The following CNKSR3 variants were observed in gnomAD, a reference collection of about 807,000 sequenced individuals.
CNKSR3 encodes CNKSR family member 3.
Under a neutral mutation model 67.7 loss-of-function variants are expected in CNKSR3, and 36 were observed. That is an observed-to-expected ratio of 0.53 (90% CI 0.41 to 0.70). The LOEUF (loss-of-function observed/expected upper bound fraction) is 0.70, where lower values mean the gene tolerates loss of function less well. Among genes scored for constraint, CNKSR3 ranks in the 30% least tolerant of loss-of-function variants. The pLI is 0.00. For missense variants in CNKSR3, 630 were observed against 695.2 expected, an observed-to-expected ratio of 0.91 and a Z score of 1.05; for synonymous variants, 281 against 271.4, an observed-to-expected ratio of 1.04 and a Z score of -0.35.
chr6:154,460,021 G>C (rs883987), intron 1 of CNKSR3, among the ~76,000 whole-genome samples: 110,442 of 152,192 alleles, frequency 0.73, 40,606 homozygotes, highest in East Asian at 0.91. Flanking sequence ...AACTTCTGAC[G>C]ACTGTGAAAT....
At chr6:154,413,636 T>C (rs1784954400) in intron 10 of CNKSR3, among the ~76,000 whole-genome samples, 1 of 152,158 alleles carries the variant, frequency 6.6e-6, no homozygotes, top group South Asian at 2.1e-4. Context: ...CCCCTCAAGA[T>C]GAATTTACCA....
intron 9 of CNKSR3, among the ~76,000 whole-genome samples, chr6:154,419,739 A>G (rs1033584211): frequency 1.3e-5 from 2 of 152,168 alleles, no homozygotes; most frequent in East Asian, 1.9e-4. Flanking sequence ...TGGATAAGGA[A>G]AATGTGGTGT....
chr6:154,474,772 G>T (rs2114631536), intron 1 of CNKSR3, among the ~76,000 whole-genome samples: 1 of 152,264 alleles, frequency 6.6e-6, no homozygotes, highest in African/African-American at 2.4e-5. Flanking sequence ...CAAAGAGGGT[G>T]CCAAGGGTTT....
intron 1 of CNKSR3, among the ~76,000 whole-genome samples, chr6:154,459,126 A>AAGAG (rs10571791): frequency 2.0e-5 from 3 of 150,924 alleles, no homozygotes; most frequent in South Asian, 2.1e-4. Context: ...AGAGAAGAAA[A>AAGAG]AGAGAGAGAA....
chr6:154,505,961 G>A (rs1209216380), intron 1 of CNKSR3, among the ~76,000 whole-genome samples: 2 of 152,166 alleles, frequency 1.3e-5, no homozygotes, highest in African/African-American at 4.8e-5. Context: ...ATTTGACAAT[G>A]AAATTTCTCA....
intron 1 of CNKSR3, among the ~76,000 whole-genome samples, chr6:154,509,307 A>T: frequency 1.5e-5 from 1 of 66,220 alleles, no homozygotes; most frequent in East Asian, 5.2e-4. Context: ...TCCCCCCACC[A>T]CCCCCCCACC....
chr6:154,486,581 C>G (rs1021721772), intron 1 of CNKSR3, among the ~76,000 whole-genome samples: 1 of 146,840 alleles, frequency 6.8e-6, no homozygotes, highest in Non-Finnish European at 1.5e-5. Context: ...CAACCTCCCC[C>G]TCCTGGGTTC....
At position 154,422,896 on chromosome 6, in the gene CNKSR3, C is replaced by G; in HGVS notation, c.798+19G>C. 1 of 1,572,174 alleles carries G rather than the reference C, an allele frequency of 6.4e-7. No homozygotes were observed. The highest frequency in any genetic ancestry group is 1.2e-5 in the South Asian group (1 of 85,914). On this transcript the variant is annotated intron_variant, in intron 8 of 12. Transcript: ENST00000607772. ...AAAAGTTTTAAGGAGGAAAATTGAG[C>G]CTCAATAAACAAACTCACCACAGTT...
intron 4 of CNKSR3, 102 bp downstream of exon 4, chr6:154,441,190 A>G (rs1785572989): frequency 1.4e-6 from 1 of 720,612 alleles, no homozygotes; most frequent in Non-Finnish European, 2.3e-6. Context: ...AGGTGGGGAG[A>G]GGAGAGTAGT....
rs1029613929 is a variant in CNKSR3 at position 154,472,552 on chromosome 6, G to A, written c.53-22294C>T. On this transcript the variant is annotated intron_variant, in intron 1 of 12. Coordinates refer to ENST00000607772, the MANE Select transcript of CNKSR3 (RefSeq NM_173515.4). ...ATCATTTCCCTTCCTAGCACATCTC[G>A]CTATGTAGTTTACTCTATGGATGGC... 4.6e-5 allele frequency among the ~76,000 whole-genome samples: 7 copies of A among 151,668 alleles called. No individual in the cohort carries two copies. In the East Asian group the frequency reaches 1.2e-3, roughly 25 times the overall value.
At chr6:154,416,250 A>G (rs1562321882) in intron 9 of CNKSR3, among the ~76,000 whole-genome samples, 1 of 152,232 alleles carries the variant, frequency 6.6e-6, no homozygotes, top group African/African-American at 2.4e-5. Flanking sequence ...AGTGTGACGG[A>G]GCTAGACATG....
chr6:154,451,520 C>T (rs1785831108), intron 1 of CNKSR3, among the ~76,000 whole-genome samples: 1 of 107,862 alleles, frequency 9.3e-6, no homozygotes, highest in South Asian at 3.5e-4. Context: ...CACGCGCACA[C>T]TCGTGCACAC....
intron 1 of CNKSR3, among the ~76,000 whole-genome samples, chr6:154,504,029 G>A (rs1231834301): frequency 6.6e-6 from 1 of 152,186 alleles, no homozygotes. Flanking sequence ...GCAGGCCCAA[G>A]CTTCTGCATC....
intron 12 of CNKSR3, among the ~76,000 whole-genome samples, chr6:154,407,072 C>G (rs758263165): frequency 6.6e-6 from 1 of 152,168 alleles, no homozygotes; most frequent in African/African-American, 2.4e-5. Context: ...TGCTCTCCTC[C>G]CTGGATTGGC....
At chr6:154,477,089 A>T (rs1382976516) in intron 1 of CNKSR3, among the ~76,000 whole-genome samples, 1 of 152,216 alleles carries the variant, frequency 6.6e-6, no homozygotes, top group Admixed American at 6.5e-5. Context: ...TGAGGTCAGG[A>T]TGTCCTGAAG....
intron 7 of CNKSR3, among the ~76,000 whole-genome samples, chr6:154,423,329 T>A (rs544916542): frequency 6.6e-6 from 1 of 152,336 alleles, no homozygotes; most frequent in African/African-American, 2.4e-5. Flanking sequence ...CAATGGTGGA[T>A]CTCAGCTCAC....
chr6:154,467,860 A>G (rs756863429), intron 1 of CNKSR3, among the ~76,000 whole-genome samples: 2 of 151,568 alleles, frequency 1.3e-5, no homozygotes, highest in Non-Finnish European at 2.9e-5. Context: ...CCTGGGTTCA[A>G]GTGATTCTCC....
chr6:154,488,648 T>C (rs1786724846), intron 1 of CNKSR3, among the ~76,000 whole-genome samples: 1 of 152,118 alleles, frequency 6.6e-6, no homozygotes, highest in Non-Finnish European at 1.5e-5. Context: ...GTGAAAACAA[T>C]TGATACCAAA....
chr6:154,427,587 A>G (rs1335153044), intron 7 of CNKSR3, among the ~76,000 whole-genome samples: 1 of 152,234 alleles, frequency 6.6e-6, no homozygotes. Flanking sequence ...GGAAGTACAC[A>G]GTGTACAGAA....
Sources: allele counts gnomAD v4.1 joint callset (sites outside exome capture counted in the v4.1 genomes callset), GRCh38; gene constraint gnomAD v4.1.1; transcripts MANE v1.5; gene names NCBI Gene and HGNC (gene_info 2026-07-23, HGNC 2026-07-21).